Variants in RCN2 observed in about 807,000 individuals in gnomAD.
RCN2 encodes reticulocalbin-2.
RCN2 carries 23 observed loss-of-function variants against 37.5 expected under a neutral mutation model. The observed-to-expected ratio is 0.61, with a 90% CI of 0.44 to 0.87. The LOEUF (loss-of-function observed/expected upper bound fraction) is 0.87. Among genes scored for constraint, RCN2 ranks in the 40% least tolerant of loss-of-function variants. The pLI is 0.00. For missense variants in RCN2, 381 were observed against 390.4 expected, an observed-to-expected ratio of 0.98 and a Z score of 0.20; for synonymous variants, 140 against 144.6, an observed-to-expected ratio of 0.97 and a Z score of 0.23.
chr15:76,932,275 G>A (rs1596000965), intron 1 of RCN2, 86 bp from the exon 2 acceptor site: 13 of 1,059,396 alleles, frequency 1.2e-5, no homozygotes, highest in Non-Finnish European at 1.7e-5. Context: ...TTGGCAAGGG[G>A]GTCTTCTAGT....
chr15:76,947,628 G>C, intron 5 of RCN2, 111 bp downstream of exon 5: 1 of 706,210 alleles, frequency 1.4e-6, no homozygotes, highest in Non-Finnish European at 2.4e-6. Flanking sequence ...GAGGATCTGT[G>C]TCTGATCCTA....
chr15:76,938,722 A>G (rs2075263829), intron 3 of RCN2: 4 of 455,766 alleles, frequency 8.8e-6, no homozygotes, highest in Non-Finnish European at 1.8e-5. Flanking sequence ...GCTAATAACT[A>G]CAGCATCAAT....
At position 76,951,388 on chromosome 15, in the gene RCN2, T is replaced by C. The variant is rs903234458; in HGVS notation, c.*2166T>C. 1 of 152,236 alleles carries C rather than the reference T, an allele frequency of 6.6e-6. No individual in the cohort carries two copies. The highest frequency in any genetic ancestry group is 1.5e-5 in the Non-Finnish European group (1 of 68,048). 9.4% of individuals were successfully genotyped at this position (152,236 alleles called of 1,614,324 possible). A position where few individuals can be genotyped will look rare whatever the true frequency, so the allele number is the denominator to read the frequency against. ...AAATGGTGCAGCCACAAGATGAAAG[T>C]GGCTTTGATCTTGAGTCTGTGTAGG... On this transcript the variant is annotated 3_prime_UTR_variant, in exon 7 of 7. Coordinates refer to ENST00000394885, the MANE Select transcript of RCN2 (RefSeq NM_002902.3).
In RCN2 at chr15:76,931,905, G is replaced by A; in HGVS notation, c.64G>A (p.Ala22Thr). ...LLLLCAAAAG[A>T]GKAEELHYPL... Reference sequence around the variant, plus strand: ...GCTGCTGTGCGCCGCCGCGGCCGGCGCCGGCAAGGCCGAGGAGCTGCACTA... The same window carrying A: ...GCTGCTGTGCGCCGCCGCGGCCGGCACCGGCAAGGCCGAGGAGCTGCACTA... Residue 22 changes from alanine to threonine, a missense_variant, in exon 1 of 7, where the codon GCC becomes ACC. Ala to Thr is a moderately conservative substitution (Grantham distance 58). Coordinates refer to ENST00000394885, the MANE Select transcript of RCN2 (RefSeq NM_002902.3). 3.0e-6 allele frequency: 4 copies of A among 1,323,458 alleles called. No individual in the cohort carries two copies. The highest frequency in any genetic ancestry group is 3.9e-6 in the Non-Finnish European group (4 of 1,035,364). 82.0% of individuals were successfully genotyped at this position (1,323,458 alleles called of 1,614,324 possible).
intron 6 of RCN2, chr15:76,948,810 G>A (rs893055822): frequency 5.7e-6 from 3 of 524,868 alleles, no homozygotes; most frequent in Admixed American, 3.6e-5. Context: ...CTCAAAACAG[G>A]TTATAATAAT....
chr15:76,941,179 G>A (rs1231688918), intron 3 of RCN2, among the ~76,000 whole-genome samples: 2 of 151,992 alleles, frequency 1.3e-5, no homozygotes, highest in African/African-American at 2.4e-5. Flanking sequence ...GACTACAGGC[G>A]TGTGCCACTA....
At position 76,931,815 on chromosome 15, in the gene RCN2, C is replaced by G. The variant is rs2075223253; in HGVS notation, c.-27C>G. 8.3e-7 allele frequency: 1 copy of G among 1,209,018 alleles called. No homozygotes were observed. The highest frequency in any genetic ancestry group is 1.6e-5 in the African/African-American group (1 of 62,776). 74.9% of individuals were successfully genotyped at this position (1,209,018 alleles called of 1,614,324 possible). A position where few individuals can be genotyped will look rare whatever the true frequency, so the allele number is the denominator to read the frequency against. On this transcript the variant is annotated 5_prime_UTR_variant, in exon 1 of 7. Coordinates refer to ENST00000394885, the MANE Select transcript of RCN2 (RefSeq NM_002902.3). ...CCCCGCCAGCCTCCCTCCTCGCGTC[C>G]CTCGGTGTCCTCCGCGGGCCGGCGC...
Position 76,948,394 on chromosome 15 carries a change from GT to G in RCN2, c.659-9del. ...GATATTCTTGTGTATGTATATTTGT[GT>G]TTTTTTATATTAAGCTGCAAATGAA... On this transcript the variant is annotated splice_polypyrimidine_tract_variant and intron_variant, in intron 5 of 6. Coordinates refer to ENST00000394885, the MANE Select transcript of RCN2 (RefSeq NM_002902.3). 4 of 1,562,294 alleles carry G rather than the reference GT, an allele frequency of 2.6e-6. No individual in the cohort carries two copies. Among genetic ancestry groups the G allele is most frequent in the Non-Finnish European group, 2.6e-6 (3 of 1,144,072 alleles).
chr15:76,936,078 T>C (rs145249481), intron 3 of RCN2, among the ~76,000 whole-genome samples: 50 of 152,310 alleles, frequency 3.3e-4, no homozygotes, highest in Middle Eastern at 3.4e-3. Context: ...ATTCCCATTT[T>C]TAAACACATA....
At chr15:76,936,157 G>T (rs1201994982) in intron 3 of RCN2, among the ~76,000 whole-genome samples, 3 of 149,950 alleles carry the variant, frequency 2.0e-5, no homozygotes, top group African/African-American at 7.4e-5. Context: ...AGAATCGTAA[G>T]TATCCAAAAA....
intron 4 of RCN2, among the ~76,000 whole-genome samples, chr15:76,944,281 G>A (rs1336989160): frequency 6.6e-6 from 1 of 151,930 alleles, no homozygotes; most frequent in Non-Finnish European, 1.5e-5. Context: ...GCGCCCGGCC[G>A]AGATGTTTTG....
chr15:76,949,213 T>C lies in RCN2; in HGVS notation c.945T>C (p.Asp315=), dbSNP rs766840449. ...TCCATGATGACTATTTCTATCATGATGAGCTTTAATCTCTGAGCCTGTCTC... is the reference window on the plus strand; with the variant it reads ...TCCATGATGACTATTTCTATCATGACGAGCTTTAATCTCTGAGCCTGTCTC... ...RQLHDDYFYH[D]EL is the part of the protein sequence containing the mutation. The change falls in exon 7 of 7, where the codon GAT becomes GAC. Residue 315 remains aspartate, a synonymous_variant. Coordinates refer to ENST00000394885, the MANE Select transcript of RCN2 (RefSeq NM_002902.3). 3 of 1,607,342 alleles carry C rather than the reference T, an allele frequency of 1.9e-6. No homozygotes were observed. The Admixed American group carries it at 5.1e-5, about 27-fold the overall frequency.
At chr15:76,942,522 T>A (rs1349020240) in intron 3 of RCN2, 1 of 152,114 alleles carries the variant, frequency 6.6e-6, no homozygotes, top group Non-Finnish European at 1.5e-5. Flanking sequence ...GGGGGGTGGA[T>A]GGGAAGATGG....
At position 76,948,410 on chromosome 15, in the gene RCN2, C is replaced by G; in HGVS notation, c.659C>G (p.Thr220Ser). 1 of 1,581,246 alleles carries G rather than the reference C, an allele frequency of 6.3e-7. No individual in the cohort carries two copies. The highest frequency in any genetic ancestry group is 8.6e-7 in the Non-Finnish European group (1 of 1,160,104). The part of the protein sequence containing the change: ...EFLGDYRWDP[T>S]ANEDPEWILV... The stretch of plus-strand genomic sequence containing the variant: ...TATATTTGTGTTTTTTTATATTAAG[C>G]TGCAAATGAAGATCCAGAATGGATA... The change falls in exon 6 of 7, where the codon ACT (threonine) becomes AGT (serine). Residue 220 changes from threonine (T) to serine (S), a missense_variant and splice_region_variant. By Grantham distance (58) the Thr-to-Ser change is moderately conservative (BLOSUM62 1). Transcript: ENST00000394885.
intron 2 of RCN2, among the ~76,000 whole-genome samples, chr15:76,932,806 T>C (rs2075230281): frequency 6.6e-6 from 1 of 152,256 alleles, no homozygotes; most frequent in Non-Finnish European, 1.5e-5. Context: ...AAATGATTTA[T>C]CGCTCTTTTG....
intron 2 of RCN2, among the ~76,000 whole-genome samples, chr15:76,934,528 T>C (rs567499650): frequency 2.0e-5 from 3 of 152,340 alleles, no homozygotes; most frequent in South Asian, 4.1e-4. Context: ...TTAAGACAGA[T>C]AGCTGTTGCA....
chr15:76,932,481 A>G lies in RCN2; in HGVS notation c.250+15A>G. The G allele has an allele frequency of 6.7e-7, 1 of 1,498,922 alleles. No homozygotes were observed. Among genetic ancestry groups the G allele is most frequent in the Middle Eastern group, 1.7e-4 (1 of 5,844 alleles). 92.9% of individuals were successfully genotyped at this position (1,498,922 alleles called of 1,614,324 possible). On this transcript the variant is annotated intron_variant, in intron 2 of 6. Coordinates refer to ENST00000394885, the MANE Select transcript of RCN2 (RefSeq NM_002902.3). ...TCTCACTGAAAGTAAGGACTGCCCT[A>G]CACGACTAACAATGGAGACAAACAC... is the stretch of plus-strand genomic sequence containing the variant.
Position 76,949,154 on chromosome 15 carries a change from C to T in RCN2, c.886C>T (p.Leu296Phe), listed in dbSNP as rs1568462234. Reference sequence around the variant, plus strand: ...GATTCTGGAAAACCCGGACTTGTTTCTCACCAGTGAAGCCACAGATTATGG... The same window carrying T: ...GATTCTGGAAAACCCGGACTTGTTTTTCACCAGTGAAGCCACAGATTATGG... The part of the protein sequence containing the change: ...EEILENPDLF[L>F]TSEATDYGRQ... The change falls in exon 7 of 7, where the codon CTC becomes TTC. Residue 296 changes from leucine (L) to phenylalanine (F), a missense_variant. Transcript: ENST00000394885. 1 of 1,613,318 alleles carries T rather than the reference C, an allele frequency of 6.2e-7. No individual in the cohort carries two copies. Among genetic ancestry groups the T allele is most frequent in the African/African-American group, 1.3e-5 (1 of 75,004 alleles).
intron 5 of RCN2, chr15:76,948,137 A>C (rs890901053): frequency 1.5e-5 from 4 of 259,630 alleles, no homozygotes; most frequent in African/African-American, 8.8e-5. Flanking sequence ...CATCTGGGAA[A>C]ACTAGATATC....
Sources: allele counts gnomAD v4.1 joint callset (sites outside exome capture counted in the v4.1 genomes callset), GRCh38; gene constraint gnomAD v4.1.1; transcripts MANE v1.5; gene names NCBI Gene and HGNC (gene_info 2026-07-23, HGNC 2026-07-21).